NRXN1: variants seen among roughly 807,000 people sequenced by gnomAD.
NRXN1 encodes neurexin 1.
NRXN1 carries 39 observed loss-of-function variants against 150.9 expected under a neutral mutation model. The observed-to-expected ratio is 0.26, with a 90% CI of 0.20 to 0.34. The LOEUF (loss-of-function observed/expected upper bound fraction) is 0.34. NRXN1 is among the 10% of genes least tolerant of loss of function. The probability of loss-of-function intolerance (pLI) is 1.00; values close to 1 mark genes in which losing one functional copy is unlikely to be tolerated. For missense variants in NRXN1, 1,815 were observed against 1,949.9 expected (o/e 0.93, Z 1.30); for synonymous variants, 924 against 757.0 (o/e 1.22, Z -3.62).
intron 18 of NRXN1, among the ~76,000 whole-genome samples, chr2:50,181,566 G>T (rs2060716337): frequency 6.6e-6 from 1 of 152,032 alleles, no homozygotes; most frequent in African/African-American, 2.4e-5. Flanking sequence ...TCATTGCCTT[G>T]CCTTTCCAAT....
chr2:50,155,509 G>T (rs940923640), intron 18 of NRXN1, among the ~76,000 whole-genome samples: 1 of 151,288 alleles, frequency 6.6e-6, no homozygotes, highest in African/African-American at 2.4e-5. Flanking sequence ...AAGTTCAAAG[G>T]TTATTCTCAT....
At chr2:50,573,473 AC>A (rs1246857373) in intron 8 of NRXN1, among the ~76,000 whole-genome samples, 3 of 152,126 alleles carry the variant, frequency 2.0e-5, no homozygotes, top group Non-Finnish European at 4.4e-5. Context: ...GGGAGTGGTA[AC>A]TTTTAAATTA....
At chr2:50,757,905 C>T (rs186642103) in intron 5 of NRXN1, 131 of 151,884 alleles carry the variant, frequency 8.6e-4, no homozygotes, top group African/African-American at 2.6e-3. Flanking sequence ...AGTCTTGAGG[C>T]TCTCTTGAGA....
At chr2:50,374,466 T>G (rs980025399) in intron 17 of NRXN1, among the ~76,000 whole-genome samples, 8 of 152,016 alleles carry the variant, frequency 5.3e-5, no homozygotes, top group Non-Finnish European at 1.0e-4. Context: ...CTATCAACCA[T>G]CATAAATAAA....
intron 17 of NRXN1, among the ~76,000 whole-genome samples, chr2:50,400,078 T>C (rs779381200): frequency 5.3e-5 from 8 of 151,982 alleles, no homozygotes; most frequent in African/African-American, 1.2e-4. Flanking sequence ...CAAGAAAGAA[T>C]AGTCTGAACA....
rs1304403709 is a variant in NRXN1 at position 49,936,805 on chromosome 2, A to T, written c.4216+6899T>A. On this transcript the variant is annotated intron_variant, in intron 22 of 22. Coordinates refer to ENST00000401669, the MANE Select transcript of NRXN1 (RefSeq NM_001330078.2). The stretch of plus-strand genomic sequence containing the variant: ...ATTGCTATATTCTAAAAAACAAAAC[A>T]AAAAACATATGTACACACACACACA... Among the ~76,000 whole-genome samples the T allele has an allele frequency of 2.7e-5, 4 of 147,196 alleles. No homozygotes were observed. The East Asian group carries it at 8.1e-4, about 30-fold the overall frequency.
intron 8 of NRXN1, among the ~76,000 whole-genome samples, chr2:50,594,099 G>A (rs1414278296): frequency 6.6e-6 from 1 of 152,134 alleles, no homozygotes; most frequent in African/African-American, 2.4e-5. Context: ...TAAGTTTCCT[G>A]AAGTCTCTCC....
At chr2:50,411,171 C>A (rs529955663) in intron 17 of NRXN1, among the ~76,000 whole-genome samples, 1 of 151,996 alleles carries the variant, frequency 6.6e-6, no homozygotes. Flanking sequence ...GGATTGCAGG[C>A]GCGCGCCTCC....
At chr2:50,919,989 T>C (rs768760154) in intron 5 of NRXN1, 1 of 403,326 alleles carries the variant, frequency 2.5e-6, no homozygotes. Flanking sequence ...CTCTAGAATA[T>C]AGATTTGTTG....
intron 21 of NRXN1, among the ~76,000 whole-genome samples, chr2:50,000,965 G>T (rs1402337295): frequency 6.6e-6 from 1 of 152,158 alleles, no homozygotes; most frequent in Non-Finnish European, 1.5e-5. Context: ...CTTAATTTCA[G>T]ATAAGATAAA....
intron 19 of NRXN1, among the ~76,000 whole-genome samples, chr2:50,087,710 C>G (rs1376026883): frequency 6.6e-6 from 1 of 152,064 alleles, no homozygotes; most frequent in Non-Finnish European, 1.5e-5. Flanking sequence ...TCAGAAAATT[C>G]AATATTTATT....
At chr2:50,570,311 G>C (rs942536202) in intron 8 of NRXN1, among the ~76,000 whole-genome samples, 1 of 152,110 alleles carries the variant, frequency 6.6e-6, no homozygotes, top group African/African-American at 2.4e-5. Context: ...TAAAGTATAC[G>C]AGGCCTTTAT....
intron 13 of NRXN1, among the ~76,000 whole-genome samples, chr2:50,504,812 T>C (rs1315877376): frequency 1.3e-5 from 2 of 152,190 alleles, no homozygotes; most frequent in East Asian, 1.9e-4. Flanking sequence ...CAAAAGGCCA[T>C]TCTAGCACCA....
At chr2:50,644,876 G>A (rs2216786) in intron 5 of NRXN1, among the ~76,000 whole-genome samples, 57,467 of 148,960 alleles carry the variant, frequency 0.39, 11,352 homozygotes, top group East Asian at 0.6. Context: ...AATAAAAAAT[G>A]TATTTATATT....
chr2:50,979,414 G>A, intron 2 of NRXN1: 1 of 400,542 alleles, frequency 2.5e-6, no homozygotes, highest in South Asian at 2.0e-5. Flanking sequence ...TGGGATACTA[G>A]CCAGTTATTC....
At chr2:50,144,442 GAA>G (rs1303823568) in intron 18 of NRXN1, among the ~76,000 whole-genome samples, 1 of 151,676 alleles carries the variant, frequency 6.6e-6, no homozygotes, top group East Asian at 1.9e-4. Context: ...CTAGGGGGGA[GAA>G]ACAGTGTCAC....
chr2:50,479,974 G>T (rs553681938), intron 15 of NRXN1, among the ~76,000 whole-genome samples: 1 of 151,716 alleles, frequency 6.6e-6, no homozygotes, highest in Non-Finnish European at 1.5e-5. Flanking sequence ...GGGTTTCACC[G>T]CGTTGGCCAG....
rs182060672 is a variant in NRXN1 at position 50,866,692 on chromosome 2, G to A, written c.832+55177C>T. Among the ~76,000 whole-genome samples the A allele has an allele frequency of 2.8e-4, 43 of 151,966 alleles. 1 individual carries two copies. The highest frequency in any genetic ancestry group is 9.9e-4 in the African/African-American group (41 of 41,504). On this transcript the variant is annotated intron_variant, in intron 5 of 22. Transcript: ENST00000401669. Reference sequence around the variant, plus strand: ...CATAGAGATAACACTGGTTAACAACGGAATGATTATATTATAAAAAGAAAG... The same window carrying A: ...CATAGAGATAACACTGGTTAACAACAGAATGATTATATTATAAAAAGAAAG...
At chr2:50,172,351 A>C (rs115934208) in intron 18 of NRXN1, among the ~76,000 whole-genome samples, 1,684 of 152,222 alleles carry the variant, frequency 0.011, 36 homozygotes, top group African/African-American at 0.038. Context: ...AACTGAGCCT[A>C]ACAACAAAAA....
Sources: gnomAD v4.1 joint callset for allele counts (sites outside exome capture counted in the v4.1 genomes callset) on GRCh38, gnomAD v4.1.1 for gene constraint, MANE v1.5 for transcripts, NCBI Gene and HGNC (gene_info 2026-07-23, HGNC 2026-07-21) for gene names.